FHOD3: variants seen among roughly 807,000 people sequenced by gnomAD.
The protein encoded by FHOD3 is FH1/FH2 domain-containing protein 3.
FHOD3 carries 90 observed loss-of-function variants against 173.0 expected under a neutral mutation model. The observed-to-expected ratio is 0.52, with a 90% confidence interval of 0.44 to 0.62. The LOEUF is 0.62. Ranked by LOEUF, FHOD3 falls within the 20% of genes least tolerant of loss-of-function variation. The probability of loss-of-function intolerance (pLI) is 0.00; values close to 1 mark genes in which losing one functional copy is unlikely to be tolerated. For missense variants in FHOD3, 1,945 were observed against 2,034.7 expected (o/e 0.96, Z 0.85); for synonymous variants, 828 against 823.0 (o/e 1.01, Z -0.10).
At chr18:36,551,314 C>T (rs2057644701) in intron 5 of FHOD3, among the ~76,000 whole-genome samples, 1 of 152,030 alleles carries the variant, frequency 6.6e-6, no homozygotes, top group African/African-American at 2.4e-5. Context: ...ATGTCCCTGA[C>T]AGATTGGTGT....
chr18:36,336,843 C>T (rs7241395), intron 1 of FHOD3, among the ~76,000 whole-genome samples: 5,568 of 72,636 alleles, frequency 0.077, 479 homozygotes, highest in African/African-American at 0.24. Context: ...AGTGAAACTC[C>T]GTCTCAAAAA....
intron 5 of FHOD3, among the ~76,000 whole-genome samples, chr18:36,543,119 A>G (rs2057288290): frequency 6.6e-6 from 1 of 152,168 alleles, no homozygotes; most frequent in East Asian, 1.9e-4. Flanking sequence ...GTCCAGCCTG[A>G]CAGTCTTCAA....
At chr18:36,659,793 C>T (rs1272092547) in intron 14 of FHOD3, among the ~76,000 whole-genome samples, 1 of 152,196 alleles carries the variant, frequency 6.6e-6, no homozygotes, top group African/African-American at 2.4e-5. Flanking sequence ...GATGTTCTTC[C>T]CAGGTTCTGA....
rs150870204 is a variant in FHOD3, at chr18:36,612,407, G to A, written c.957+312G>A. Among the ~76,000 whole-genome samples the A allele has an allele frequency of 6.2e-4, 95 of 152,308 alleles. No homozygotes were observed. The East Asian group carries it at 0.016, about 25-fold the overall frequency. ...AGCGGCACCTTCACTCAAGGAGACG[G>A]GGAGAGAAAGAGATAGAGACAGAAA... On this transcript the variant is annotated intron_variant, in intron 9 of 28. Coordinates refer to ENST00000590592, the MANE Select transcript of FHOD3 (RefSeq NM_001281740.3).
At chr18:36,549,689 C>T (rs2057563663) in intron 5 of FHOD3, among the ~76,000 whole-genome samples, 1 of 150,872 alleles carries the variant, frequency 6.6e-6, no homozygotes, top group Non-Finnish European at 1.5e-5. Flanking sequence ...AGGCGCCCTC[C>T]ACCATGCCTG....
At chr18:36,680,870 T>C (rs1053378152) in intron 14 of FHOD3, among the ~76,000 whole-genome samples, 2 of 152,258 alleles carry the variant, frequency 1.3e-5, no homozygotes, top group Admixed American at 6.5e-5. Flanking sequence ...GACTGATATA[T>C]AGTAAAATAT....
intron 5 of FHOD3, among the ~76,000 whole-genome samples, chr18:36,569,303 T>C (rs1021352344): frequency 1.3e-5 from 2 of 151,966 alleles, no homozygotes; most frequent in Non-Finnish European, 2.9e-5. Flanking sequence ...CAAACACTAA[T>C]CAAAAGAAGG....
chr18:36,469,840 G>A (rs2053174420), intron 3 of FHOD3, among the ~76,000 whole-genome samples: 1 of 152,100 alleles, frequency 6.6e-6, no homozygotes, highest in East Asian at 1.9e-4. Flanking sequence ...GGGTCTGCGG[G>A]GGAAGCTCCA....
intron 3 of FHOD3, among the ~76,000 whole-genome samples, chr18:36,396,379 C>A (rs956456313): frequency 5.9e-5 from 9 of 152,174 alleles, no homozygotes; most frequent in African/African-American, 2.2e-4. Context: ...GTTAGACCTT[C>A]TTTGCCTACC....
intron 28 of FHOD3, among the ~76,000 whole-genome samples, chr18:36,776,938 C>T (rs73947009): frequency 1.5e-4 from 23 of 152,270 alleles, no homozygotes; most frequent in Admixed American, 5.2e-4. Flanking sequence ...GTAAGGTGAC[C>T]GGGCCCTTAT....
chr18:36,634,883 G>C (rs915874258), intron 10 of FHOD3, among the ~76,000 whole-genome samples: 4 of 152,148 alleles, frequency 2.6e-5, no homozygotes, highest in Non-Finnish European at 4.4e-5. Context: ...TTGTGCACCC[G>C]CATAAACATG....
chr18:36,304,154 A>G (rs866328734), intron 1 of FHOD3, among the ~76,000 whole-genome samples: 7 of 152,360 alleles, frequency 4.6e-5, no homozygotes, highest in Middle Eastern at 6.8e-3. Context: ...GATCACTTGA[A>G]CATGTGAGCA....
chr18:36,629,168 G>A (rs1283607830), intron 10 of FHOD3, among the ~76,000 whole-genome samples: 1 of 152,074 alleles, frequency 6.6e-6, no homozygotes, highest in African/African-American at 2.4e-5. Flanking sequence ...TCAGCAGCAG[G>A]GTCTGCAAAC....
At chr18:36,491,322 AC>A (rs1364722558) in intron 3 of FHOD3, among the ~76,000 whole-genome samples, 3 of 152,120 alleles carry the variant, frequency 2.0e-5, no homozygotes, top group Admixed American at 2.0e-4. Flanking sequence ...GTTCCCATAT[AC>A]CCCCTCAACC....
At chr18:36,301,163 T>A (rs1472763162) in intron 1 of FHOD3, among the ~76,000 whole-genome samples, 1 of 152,150 alleles carries the variant, frequency 6.6e-6, no homozygotes, top group Admixed American at 6.5e-5. Context: ...GAAGGCCCCC[T>A]CAGAGGGTCC....
At chr18:36,357,742 C>G (rs906395515) in intron 2 of FHOD3, among the ~76,000 whole-genome samples, 1 of 152,132 alleles carries the variant, frequency 6.6e-6, no homozygotes, top group African/African-American at 2.4e-5. Context: ...AGATGATAGT[C>G]TAATTGGATG....
chr18:36,464,139 C>A (rs1599234928), intron 3 of FHOD3, among the ~76,000 whole-genome samples: 1 of 152,230 alleles, frequency 6.6e-6, no homozygotes, highest in East Asian at 1.9e-4. Context: ...TATCTGTGGC[C>A]AGGTTGATAA....
Position 36,718,353 on chromosome 18 carries a change from C to A in FHOD3, c.3055C>A (p.Pro1019Thr). The A allele has an allele frequency of 1.2e-6, 2 of 1,611,500 alleles. No individual in the cohort carries two copies. Among genetic ancestry groups the A allele is most frequent in the Non-Finnish European group, 1.7e-6 (2 of 1,179,120 alleles). ...LDVDLGHREA[P>T]GPPPPPPPTF... ...TGTGGACCTGGGTCACAGGGAGGCC[C>A]CTGGGCCACCTCCCCCACCCCCACC... The change falls in exon 19 of 29, where the codon CCT (proline) becomes ACT (threonine). Residue 1019 changes from proline to threonine, a missense_variant. Pro to Thr is a conservative substitution (Grantham distance 38). Transcript: ENST00000590592.
intron 3 of FHOD3, among the ~76,000 whole-genome samples, chr18:36,426,364 C>T (rs949421724): frequency 2.6e-5 from 4 of 152,024 alleles, no homozygotes; most frequent in African/African-American, 9.7e-5. Flanking sequence ...GGTGCAGAGC[C>T]CATGCCTTCA....
Sources: allele counts gnomAD v4.1 joint callset (sites outside exome capture counted in the v4.1 genomes callset), GRCh38; gene constraint gnomAD v4.1.1; transcripts MANE v1.5; gene names NCBI Gene and HGNC (gene_info 2026-07-23, HGNC 2026-07-21).